Variants in BLOC1S6 observed in about 807,000 individuals in gnomAD.
BLOC1S6 encodes the protein biogenesis of lysosomal organelles complex 1 subunit 6.
Under a neutral mutation model 24.7 loss-of-function variants are expected in BLOC1S6, and 24 were observed. The ratio of observed to expected loss-of-function variants is 0.97; its 90% CI spans 0.70 to 1.37. The LOEUF (loss-of-function observed/expected upper bound fraction) is 1.37. Among genes scored for constraint, BLOC1S6 ranks in the 40% most tolerant of loss-of-function variants. BLOC1S6 has a pLI of 0.00. For synonymous variants in BLOC1S6, 76 were observed against 72.6 expected (o/e 1.05, Z -0.23); for missense variants, 175 against 196.2 (o/e 0.89, Z 0.64).
intron 2 of BLOC1S6, chr15:45,601,458 T>G (rs1040737631): frequency 6.5e-6 from 1 of 153,160 alleles, no homozygotes; most frequent in African/African-American, 2.4e-5. Context: ...CTACATAAAC[T>G]TTTTGTTTCT....
intron 1 of BLOC1S6, among the ~76,000 whole-genome samples, chr15:45,588,186 G>C (rs565585880): frequency 6.6e-6 from 1 of 152,310 alleles, no homozygotes; most frequent in East Asian, 1.9e-4. Flanking sequence ...TTTACCTCCT[G>C]TTTCAGAAAT....
intron 3 of BLOC1S6, among the ~76,000 whole-genome samples, chr15:45,604,316 A>G (rs1307545397): frequency 6.6e-6 from 1 of 152,194 alleles, no homozygotes; most frequent in Non-Finnish European, 1.5e-5. Context: ...ATTTGTAACA[A>G]TTAAAAACAA....
intron 1 of BLOC1S6, among the ~76,000 whole-genome samples, chr15:45,591,321 A>G (rs1893876855): frequency 1.3e-5 from 2 of 152,176 alleles, no homozygotes; most frequent in Admixed American, 1.3e-4. Flanking sequence ...TATTTTAGGC[A>G]TTGCATTTTT....
intron 2 of BLOC1S6, 125 bp from the exon 3 acceptor site, chr15:45,602,975 T>C: frequency 2.9e-6 from 2 of 696,650 alleles, no homozygotes; most frequent in Non-Finnish European, 5.3e-6. Context: ...TAAATAAACC[T>C]TAGAGAGTTA....
Position 45,587,440 on chromosome 15 carries a change from G to T in BLOC1S6, c.-4G>T. ...TTCTTCCCTGTGTTCCCAGCTGGAGGGACATGAGTGTCCCTGGGCCGTCGT... is the reference window on the plus strand; with the variant it reads ...TTCTTCCCTGTGTTCCCAGCTGGAGTGACATGAGTGTCCCTGGGCCGTCGT... On this transcript the variant is annotated 5_prime_UTR_variant, in exon 1 of 5. Transcript: ENST00000220531. 1 of 1,575,270 alleles carries T rather than the reference G, an allele frequency of 6.3e-7. No homozygotes were observed.
chr15:45,598,207 C>T (rs1250646731), intron 2 of BLOC1S6: 1 of 153,416 alleles, frequency 6.5e-6, no homozygotes, highest in Non-Finnish European at 1.4e-5. Flanking sequence ...CTATCTATGA[C>T]AAACCCACAG....
intron 2 of BLOC1S6, among the ~76,000 whole-genome samples, chr15:45,596,821 G>A (rs990294437): frequency 6.6e-6 from 1 of 151,910 alleles, no homozygotes; most frequent in South Asian, 2.1e-4. Context: ...GATTATAGGT[G>A]CGCGCCACCA....
Position 45,592,135 on chromosome 15 carries a change from G to T in BLOC1S6, c.83G>T (p.Gly28Val), listed in dbSNP as rs1173506233. 1 of 1,613,942 alleles carries T rather than the reference G, an allele frequency of 6.2e-7. No individual in the cohort carries two copies. The highest frequency in any genetic ancestry group is 8.5e-7 in the Non-Finnish European group (1 of 1,180,020). Residue 28 changes from glycine (G) to valine (V), a missense_variant and splice_region_variant, in exon 2 of 5, where the codon GGT becomes GTT. Gly to Val is a moderately radical substitution (Grantham distance 109). Coordinates refer to ENST00000220531, the MANE Select transcript of BLOC1S6 (RefSeq NM_012388.4). ...TAAATTTGATTTTTGCTGGGGACAG[G>T]TTTAAGTGACACTTCTCCAGATGAA... ...YCLEAGEPTP[G>V]LSDTSPDEGL...
intron 1 of BLOC1S6, among the ~76,000 whole-genome samples, chr15:45,590,915 C>CT (rs561554859): frequency 6.6e-6 from 1 of 151,996 alleles, no homozygotes; most frequent in Non-Finnish European, 1.5e-5. Context: ...GACCATCTTA[C>CT]TTTTTTTTCT....
At chr15:45,593,312 G>A (rs1028587723) in intron 2 of BLOC1S6, among the ~76,000 whole-genome samples, 2 of 150,614 alleles carry the variant, frequency 1.3e-5, no homozygotes, top group African/African-American at 4.9e-5. Flanking sequence ...CTCGAACTCA[G>A]GGGGCTGTTT....
rs1894546091 is a variant in BLOC1S6, at chr15:45,608,141, A to G, written c.*1627A>G. The G allele has an allele frequency of 1.3e-5, 2 of 152,662 alleles. No individual in the cohort carries two copies. The highest frequency in any genetic ancestry group is 2.9e-5 in the Non-Finnish European group (2 of 68,034). 9.5% of individuals were successfully genotyped at this position (152,662 alleles called of 1,614,324 possible). A position where few individuals can be genotyped will look rare whatever the true frequency, so the allele number is the denominator to read the frequency against. On this transcript the variant is annotated 3_prime_UTR_variant, in exon 5 of 5. Coordinates refer to ENST00000220531, the MANE Select transcript of BLOC1S6 (RefSeq NM_012388.4). ...AGATGGAATCACTACCTCTGATCAC[A>G]TATCAGGCTAACGATAGAGAAAGCA... is the stretch of plus-strand genomic sequence containing the variant.
intron 1 of BLOC1S6, among the ~76,000 whole-genome samples, chr15:45,590,218 TG>T (rs1893834985): frequency 6.6e-6 from 1 of 151,990 alleles, no homozygotes; most frequent in Non-Finnish European, 1.5e-5. Context: ...TTTTGGTTTT[TG>T]TATTTTTATT....
upstream of BLOC1S6, chr15:45,587,194 G>A: frequency 1.8e-6 from 1 of 564,268 alleles, no homozygotes; most frequent in Admixed American, 3.0e-5. Context: ...GCAGGGACTC[G>A]AGCCCCACAC....
intron 2 of BLOC1S6, among the ~76,000 whole-genome samples, chr15:45,602,759 T>C (rs563337655): frequency 3.3e-5 from 5 of 152,322 alleles, no homozygotes; most frequent in Admixed American, 6.5e-5. Flanking sequence ...TTTTAAGATA[T>C]ATAAAACATT....
chr15:45,606,578 A>G lies in BLOC1S6; in HGVS notation c.*64A>G. 6.2e-7 allele frequency: 1 copy of G among 1,609,538 alleles called. No homozygotes were observed. The highest frequency in any genetic ancestry group is 8.5e-7 in the Non-Finnish European group (1 of 1,176,076). On this transcript the variant is annotated 3_prime_UTR_variant, in exon 5 of 5. Coordinates refer to ENST00000220531, the MANE Select transcript of BLOC1S6 (RefSeq NM_012388.4). ...TTGGGTTATGATGACTCAAGTGTAG[A>G]CTGAAGTTGAGGTAGTGCCTTATGC...
chr15:45,598,106 A>G (rs1894143708), intron 2 of BLOC1S6: 1 of 155,716 alleles, frequency 6.4e-6, no homozygotes, highest in Non-Finnish European at 1.4e-5. Context: ...ATCTCAATAG[A>G]TGCAAAAAGC....
rs1157374145 is a variant in BLOC1S6 at position 45,604,144 on chromosome 15, G to A, written c.312+957G>A. On this transcript the variant is annotated intron_variant, in intron 3 of 4. Coordinates refer to ENST00000220531, the MANE Select transcript of BLOC1S6 (RefSeq NM_012388.4). ...AGCACTTTGGGAGGCTGAGGTAGGA[G>A]GATTACTTGAGGCGTGCAGTTTAAG... is the stretch of plus-strand genomic sequence containing the variant. 2.6e-5 allele frequency among the ~76,000 whole-genome samples: 4 copies of A among 152,156 alleles called. No individual in the cohort carries two copies. The South Asian group carries it at 8.3e-4, about 32-fold the overall frequency.
chr15:45,603,269 T>TAGC, intron 3 of BLOC1S6, 82 bp downstream of exon 3: 12 of 877,524 alleles, frequency 1.4e-5, no homozygotes, highest in South Asian at 2.9e-5. Context: ...AGCTAAGATT[T>TAGC]TAAGCTTAGA....
intron 1 of BLOC1S6, among the ~76,000 whole-genome samples, chr15:45,591,787 T>C (rs1386474325): frequency 2.0e-5 from 3 of 152,248 alleles, no homozygotes; most frequent in Non-Finnish European, 2.9e-5. Context: ...CTTTACCTTA[T>C]AGTAGTAACT....
Sources: gnomAD v4.1 joint callset for allele counts (sites outside exome capture counted in the v4.1 genomes callset) on GRCh38, gnomAD v4.1.1 for gene constraint, MANE v1.5 for transcripts, NCBI Gene and HGNC (gene_info 2026-07-23, HGNC 2026-07-21) for gene names.